The following ABCA12 variants were observed in gnomAD, a reference collection of about 807,000 sequenced individuals.
ABCA12 encodes ATP binding cassette subfamily A member 12.
In ABCA12, 156 loss-of-function variants were observed where a neutral mutation model predicts 293.5. The observed-to-expected ratio is 0.53, with a 90% confidence interval of 0.47 to 0.61. The LOEUF is 0.61. ABCA12 is among the 20% of genes least tolerant of loss of function. The pLI, the probability that ABCA12 is intolerant of heterozygous loss-of-function variation, is 0.00. For synonymous variants in ABCA12, 1,063 were observed against 1,108.0 expected (o/e 0.96, Z 0.81); for missense variants, 2,797 against 3,090.2 (o/e 0.91, Z 2.25).
chr2:215,129,723 A>T (rs1703011792), intron 1 of ABCA12, among the ~76,000 whole-genome samples: 2 of 152,078 alleles, frequency 1.3e-5, no homozygotes, highest in Non-Finnish European at 2.9e-5. Context: ...GTGCAGAAAC[A>T]TTTTGGTTTG....
At chr2:215,119,739 A>G (rs1008279042) in intron 1 of ABCA12, among the ~76,000 whole-genome samples, 124 of 144,028 alleles carry the variant, frequency 8.6e-4, no homozygotes, top group Non-Finnish European at 1.2e-4. Context: ...AAAAGTAAAA[A>G]AAAAAAAAAA....
intron 3 of ABCA12, among the ~76,000 whole-genome samples, chr2:215,062,393 A>G (rs372751557): frequency 3.9e-4 from 59 of 152,132 alleles, no homozygotes; most frequent in African/African-American, 1.0e-3. Context: ...ACCGGTGCTC[A>G]TTGAGGTCAT....
rs368283339 is a variant in ABCA12 at position 214,956,742 on chromosome 2, T to C, written c.6154A>G (p.Ile2052Val). 117 of 1,613,068 alleles carry C rather than the reference T, an allele frequency of 7.3e-5. No individual in the cohort carries two copies. Among genetic ancestry groups the C allele is most frequent in the Non-Finnish European group, 9.4e-5 (111 of 1,179,678 alleles). The change falls in exon 42 of 53, where the codon ATC (isoleucine) becomes GTC (valine). Residue 2052 changes from isoleucine (I) to valine (V), a missense_variant. This residue lies in a region of ABCA12 where 2,130 missense variants were observed against 2,427.0 expected (regional missense o/e 0.88). Transcript: ENST00000272895. ...YLVPVAFSIGIIAIFKLPAFY... is the reference protein window; with the variant it reads ...YLVPVAFSIGVIAIFKLPAFY... ...GCAGGTAATTTGAAAATCGCAATGA[T>C]ACCAATTGAAAACGCTACAGGCACC...
chr2:215,042,006 T>C (rs1043501911), intron 7 of ABCA12, among the ~76,000 whole-genome samples: 8 of 152,084 alleles, frequency 5.3e-5, no homozygotes, highest in South Asian at 2.1e-4. Context: ...CAAGTGATGG[T>C]TTCTAGGGTC....
intron 19 of ABCA12, among the ~76,000 whole-genome samples, chr2:215,004,602 G>A (rs2105993478): frequency 6.6e-6 from 1 of 152,258 alleles, no homozygotes; most frequent in Non-Finnish European, 1.5e-5. Flanking sequence ...TTTTCCTCAT[G>A]GCTATATTAT....
intron 43 of ABCA12, 49 bp downstream of exon 43, chr2:214,955,153 T>C: frequency 1.3e-6 from 2 of 1,593,230 alleles, no homozygotes; most frequent in Non-Finnish European, 1.7e-6. Flanking sequence ...TCTTTCCACC[T>C]GGAACATGTT....
chr2:214,949,121 G>T lies in ABCA12; in HGVS notation c.6881C>A (p.Ala2294Glu). 6.2e-7 allele frequency: 1 copy of T among 1,613,498 alleles called. No homozygotes were observed. Among genetic ancestry groups the T allele is most frequent in the Non-Finnish European group, 8.5e-7 (1 of 1,179,816 alleles). ...ECFGLLGVNGAGKTTIFKMLT... is the reference protein window; with the variant it reads ...ECFGLLGVNGEGKTTIFKMLT... ...CATCTTGAATATAGTGGTCTTTCCT[G>T]CTCCATTCACTCCAAGAAGCCCAAA... Residue 2294 changes from alanine to glutamate, a missense_variant, in exon 46 of 53, where the codon GCA (alanine) becomes GAA (glutamate). By Grantham distance (107) the Ala-to-Glu change is moderately radical (BLOSUM62 -1). Transcript: ENST00000272895.
intron 49 of ABCA12, among the ~76,000 whole-genome samples, chr2:214,943,975 G>A (rs993254990): frequency 6.6e-5 from 10 of 152,134 alleles, no homozygotes; most frequent in Admixed American, 1.3e-4. Flanking sequence ...ATAAGACAAG[G>A]CCATCCTCAT....
intron 17 of ABCA12, 78 bp from the exon 18 acceptor site, chr2:215,010,548 T>C (rs954042866): frequency 8.0e-6 from 12 of 1,503,100 alleles, no homozygotes; most frequent in Non-Finnish European, 1.1e-5. Context: ...TGACAGAGAT[T>C]ATTCTTATCA....
At chr2:215,018,690 C>A (rs1258998235) in intron 13 of ABCA12, among the ~76,000 whole-genome samples, 1 of 152,178 alleles carries the variant, frequency 6.6e-6, no homozygotes, top group Non-Finnish European at 1.5e-5. Flanking sequence ...TCTTTTATTT[C>A]TGGGTCATTT....
Position 215,007,851 on chromosome 2 carries a change from A to T in ABCA12, c.2473-5T>A. On this transcript the variant is annotated splice_region_variant and splice_polypyrimidine_tract_variant and intron_variant, in intron 18 of 52. Transcript: ENST00000272895. ...CTGTCTCAGAGTTACATTGGACTTA[A>T]TGACAAAGAAACAAAAGAAGTGTGA... is the stretch of plus-strand genomic sequence containing the variant. The T allele has an allele frequency of 6.2e-7, 1 of 1,613,834 alleles. No individual in the cohort carries two copies. Among genetic ancestry groups the T allele is most frequent in the Non-Finnish European group, 8.5e-7 (1 of 1,179,858 alleles).
At chr2:215,135,210 C>T (rs112265776) in intron 1 of ABCA12, among the ~76,000 whole-genome samples, 7,163 of 152,224 alleles carry the variant, frequency 0.047, 547 homozygotes, top group African/African-American at 0.16. Flanking sequence ...CCACCTGATT[C>T]GGCCTCCCAA....
intron 39 of ABCA12, among the ~76,000 whole-genome samples, chr2:214,959,570 G>C (rs957526047): frequency 6.6e-6 from 1 of 151,914 alleles, no homozygotes; most frequent in Non-Finnish European, 1.5e-5. Flanking sequence ...AGCCTGAGTG[G>C]ACTCCTCCTT....
At chr2:215,005,368 T>A (rs1033783750) in intron 19 of ABCA12, among the ~76,000 whole-genome samples, 2 of 152,208 alleles carry the variant, frequency 1.3e-5, no homozygotes, top group Non-Finnish European at 2.9e-5. Context: ...TGGTACAACA[T>A]AGTCTCATGT....
chr2:215,094,731 T>A (rs1702215898), intron 2 of ABCA12, among the ~76,000 whole-genome samples: 1 of 152,194 alleles, frequency 6.6e-6, no homozygotes, highest in African/African-American at 2.4e-5. Flanking sequence ...AGGTTACTCA[T>A]AGACACTATG....
chr2:215,094,971 C>A (rs975114885), intron 2 of ABCA12, among the ~76,000 whole-genome samples: 9 of 152,284 alleles, frequency 5.9e-5, no homozygotes, highest in East Asian at 1.9e-4. Context: ...GTCTACCTAT[C>A]AATGGGACAG....
At chr2:215,046,187 T>G (rs893336718) in intron 6 of ABCA12, among the ~76,000 whole-genome samples, 172 bp from the exon 7 acceptor site, 2 of 152,140 alleles carry the variant, frequency 1.3e-5, no homozygotes, top group African/African-American at 4.8e-5. Context: ...CTACTTCTAA[T>G]GTTCTTAAAC....
intron 8 of ABCA12, among the ~76,000 whole-genome samples, chr2:215,033,503 A>G (rs1255363883): frequency 6.6e-6 from 1 of 152,038 alleles, no homozygotes; most frequent in Non-Finnish European, 1.5e-5. Flanking sequence ...TTAAATAAAG[A>G]CTCTTCCCTT....
At chr2:215,081,621 C>T (rs201053160) in intron 2 of ABCA12, among the ~76,000 whole-genome samples, 1 of 152,018 alleles carries the variant, frequency 6.6e-6, no homozygotes, top group African/African-American at 2.4e-5. Flanking sequence ...TTACACTGCT[C>T]CTTGGATTAC....
Sources: allele counts gnomAD v4.1 joint callset (sites outside exome capture counted in the v4.1 genomes callset), GRCh38; gene constraint gnomAD v4.1.1; regional missense constraint gnomAD v4.1.1; transcripts MANE v1.5; gene names NCBI Gene and HGNC (gene_info 2026-07-23, HGNC 2026-07-21).